The following KDM7A variants were observed in gnomAD, a reference collection of about 807,000 sequenced individuals.
The protein encoded by KDM7A is lysine-specific demethylase 7A.
A neutral mutation model predicts 114.8 loss-of-function variants in KDM7A; 28 were observed. That is an observed-to-expected ratio of 0.24 (90% CI 0.18 to 0.33). The LOEUF (loss-of-function observed/expected upper bound fraction) is 0.33, where lower values mean the gene tolerates loss of function less well. Among genes scored for constraint, KDM7A ranks in the 10% least tolerant of loss-of-function variants. The pLI, the probability that KDM7A is intolerant of heterozygous loss-of-function variation, is 1.00. For missense variants in KDM7A, 942 were observed against 1,142.5 expected (o/e 0.82, Z 2.53); for synonymous variants, 423 against 397.8 (o/e 1.06, Z -0.75).
At chr7:140,143,993 A>G (rs1210632105) in intron 1 of KDM7A, among the ~76,000 whole-genome samples, 4 of 152,262 alleles carry the variant, frequency 2.6e-5, no homozygotes, top group South Asian at 2.1e-4. Flanking sequence ...AAAATTGTAT[A>G]TATCTTTACA....
rs139618397 is a variant in KDM7A at position 140,136,556 on chromosome 7, G to C, written c.280+2549C>G. Among the ~76,000 whole-genome samples the C allele has an allele frequency of 1.3e-3, 201 of 152,304 alleles. 1 individual carries two copies. The highest frequency in any genetic ancestry group is 4.5e-3 in the African/African-American group (187 of 41,566). ...GAATACATATTTAAGTTATTTGTGGGCTGTTTTTTGATACCTGCCCTCAAA... is the reference window on the plus strand; with the variant it reads ...GAATACATATTTAAGTTATTTGTGGCCTGTTTTTTGATACCTGCCCTCAAA... On this transcript the variant is annotated intron_variant, in intron 2 of 19. Coordinates refer to ENST00000397560, the MANE Select transcript of KDM7A (RefSeq NM_030647.2).
At chr7:140,175,347 A>G (rs1794690825) in intron 1 of KDM7A, among the ~76,000 whole-genome samples, 1 of 152,070 alleles carries the variant, frequency 6.6e-6, no homozygotes, top group South Asian at 2.1e-4. Context: ...CTGGTCTTGT[A>G]GTGTTTCTGT....
rs775970448 is a variant in KDM7A at position 140,124,726 on chromosome 7, A to T, written c.946T>A (p.Ser316Thr). ...CTCTGGGTCACAGATGAACTCCAAG[A>T]TTCATAACGTGCCAAATTTTCATCT... ...PTDENLARYE[S>T]WSSSVTQSEV... Residue 316 changes from serine to threonine, a missense_variant, in exon 7 of 20, where the codon TCT becomes ACT. Physicochemically the swap from Ser to Thr is moderately conservative, Grantham distance 58. Transcript: ENST00000397560. 51 of 1,612,828 alleles carry T rather than the reference A, an allele frequency of 3.2e-5. No individual in the cohort carries two copies. In the South Asian group the frequency reaches 5.2e-4, roughly 16 times the overall value.
chr7:140,110,825 G>C (rs1453863939), intron 11 of KDM7A, among the ~76,000 whole-genome samples: 8 of 151,992 alleles, frequency 5.3e-5, no homozygotes, highest in Admixed American at 4.6e-4. Flanking sequence ...AAGTTCTACT[G>C]TTTATACTCT....
chr7:140,146,153 A>G (rs1290356850), intron 1 of KDM7A, among the ~76,000 whole-genome samples: 1 of 152,242 alleles, frequency 6.6e-6, no homozygotes, highest in East Asian at 1.9e-4. Context: ...TAAATTTGAT[A>G]TATCAATAAA....
chr7:140,148,157 A>T (rs1794360148), intron 1 of KDM7A, among the ~76,000 whole-genome samples: 1 of 150,992 alleles, frequency 6.6e-6, no homozygotes, highest in Admixed American at 6.6e-5. Flanking sequence ...TGGGCTTAGT[A>T]TTTTTTTCTT....
chr7:140,134,322 T>C (rs552161711), intron 2 of KDM7A, among the ~76,000 whole-genome samples: 3 of 152,344 alleles, frequency 2.0e-5, no homozygotes, highest in East Asian at 1.9e-4. Context: ...GTTCAGCCAA[T>C]AGCTTTCTCT....
At chr7:140,163,720 T>TTA (rs919623339) in intron 1 of KDM7A, among the ~76,000 whole-genome samples, 36 of 152,316 alleles carry the variant, frequency 2.4e-4, no homozygotes, top group African/African-American at 8.7e-4. Context: ...ACATATTAAA[T>TTA]TATATTCCTT....
chr7:140,144,181 C>T (rs1383228783), intron 1 of KDM7A, among the ~76,000 whole-genome samples: 1 of 152,186 alleles, frequency 6.6e-6, no homozygotes, highest in Non-Finnish European at 1.5e-5. Flanking sequence ...CCGAATAGAA[C>T]TGAGAGTCCA....
rs536679254 is a variant in KDM7A at position 140,124,201 on chromosome 7, G to A, written c.1051+420C>T. 1.2e-4 allele frequency among the ~76,000 whole-genome samples: 18 copies of A among 152,118 alleles called. No individual in the cohort carries two copies. The South Asian group carries it at 3.1e-3, about 26-fold the overall frequency. On this transcript the variant is annotated intron_variant, in intron 7 of 19. Coordinates refer to ENST00000397560, the MANE Select transcript of KDM7A (RefSeq NM_030647.2). ...ATCCACAGAGACAGAAAGTACATTC[G>A]TGGTTGCCAGGGGCTCAGTGGAGGC...
At chr7:140,168,994 C>A (rs1250945198) in intron 1 of KDM7A, among the ~76,000 whole-genome samples, 2 of 152,128 alleles carry the variant, frequency 1.3e-5, no homozygotes, top group Non-Finnish European at 2.9e-5. Flanking sequence ...GAAACAAAGA[C>A]AAATGTGTGT....
chr7:140,097,677 G>A, intron 14 of KDM7A, 35 bp from the exon 15 acceptor site: 1 of 1,218,984 alleles, frequency 8.2e-7, no homozygotes, highest in Non-Finnish European at 1.2e-6. Flanking sequence ...AAAAGAGAAA[G>A]TCATTTGACT....
At chr7:140,146,039 T>C (rs934377317) in intron 1 of KDM7A, among the ~76,000 whole-genome samples, 2 of 152,198 alleles carry the variant, frequency 1.3e-5, no homozygotes, top group Non-Finnish European at 2.9e-5. Flanking sequence ...CCATATAATC[T>C]GTTTTATGAA....
intron 1 of KDM7A, among the ~76,000 whole-genome samples, chr7:140,162,410 C>A (rs193198223): frequency 6.6e-6 from 1 of 151,504 alleles, no homozygotes; most frequent in East Asian, 1.9e-4. Flanking sequence ...ATGTTTTGTG[C>A]TCAAGGAAAA....
chr7:140,126,714 A>G lies in KDM7A; in HGVS notation c.811T>C (p.Leu271=). 6.2e-7 allele frequency: 1 copy of G among 1,613,828 alleles called. No individual in the cohort carries two copies. The highest frequency in any genetic ancestry group is 8.5e-7 in the Non-Finnish European group (1 of 1,179,726). ...GTATAGCTGTCTTGAACTCCCATTA[A>G]GCAATATTTCTGAACAAATGGCTTG... ...FPKPFVQKYC[L]MGVQDSYTDF... is the part of the protein sequence containing the mutation. The change falls in exon 6 of 20, where the codon TTA becomes CTA. Residue 271 remains leucine (L), a synonymous_variant. Coordinates refer to ENST00000397560, the MANE Select transcript of KDM7A (RefSeq NM_030647.2).
At chr7:140,110,563 A>C (rs1312901638) in intron 11 of KDM7A, among the ~76,000 whole-genome samples, 1 of 152,114 alleles carries the variant, frequency 6.6e-6, no homozygotes, top group Non-Finnish European at 1.5e-5. Flanking sequence ...CTTCTTGAAG[A>C]ATTACTTTAA....
intron 11 of KDM7A, among the ~76,000 whole-genome samples, chr7:140,110,411 A>G (rs1461589640): frequency 6.6e-6 from 1 of 152,176 alleles, no homozygotes; most frequent in Non-Finnish European, 1.5e-5. Context: ...TTGATATTAA[A>G]GCAAGCATTT....
intron 1 of KDM7A, among the ~76,000 whole-genome samples, chr7:140,159,162 T>C (rs762915632): frequency 2.6e-4 from 39 of 152,076 alleles, no homozygotes; most frequent in Admixed American, 9.8e-4. Context: ...CTGGCCAACA[T>C]GGTGAAACCC....
intron 15 of KDM7A, 71 bp downstream of exon 15, chr7:140,097,474 C>A: frequency 1.2e-6 from 1 of 827,312 alleles, no homozygotes; most frequent in Non-Finnish European, 2.0e-6. Context: ...ATTTGCCTTG[C>A]TTCCAGGAGA....
Sources: gnomAD v4.1 joint callset for allele counts (sites outside exome capture counted in the v4.1 genomes callset) on GRCh38, gnomAD v4.1.1 for gene constraint, MANE v1.5 for transcripts, NCBI Gene and HGNC (gene_info 2026-07-23, HGNC 2026-07-21) for gene names.